Variants in MFF observed in about 807,000 individuals in gnomAD.
MFF encodes mitochondrial fission factor, also known as chromosome 2 open reading frame 33.
In MFF, 12 loss-of-function variants were observed where a neutral mutation model predicts 36.9. That is an observed-to-expected ratio of 0.33 (90% confidence interval 0.21 to 0.53). The LOEUF (loss-of-function observed/expected upper bound fraction) is 0.53, where lower values mean the gene tolerates loss of function less well. Ranked by LOEUF, MFF falls within the 20% of genes least tolerant of loss-of-function variation. The probability of loss-of-function intolerance (pLI) is 0.95; values close to 1 mark genes in which losing one functional copy is unlikely to be tolerated. For missense variants in MFF, 348 were observed against 366.6 expected, an observed-to-expected ratio of 0.95 and a Z score of 0.42; for synonymous variants, 99 against 126.2, an observed-to-expected ratio of 0.78 and a Z score of 1.44.
At chr2:227,349,955 A>G (rs1290768703) in intron 6 of MFF, among the ~76,000 whole-genome samples, 2 of 152,194 alleles carry the variant, frequency 1.3e-5, no homozygotes, top group East Asian at 3.8e-4. Flanking sequence ...CAGAAAAAGA[A>G]AAAAGCTTTC....
intron 4 of MFF, 145 bp from the exon 5 acceptor site, chr2:227,340,147 C>T: frequency 1.7e-6 from 1 of 587,044 alleles, no homozygotes; most frequent in South Asian, 2.2e-5. Context: ...CAGTAATACA[C>T]TGCCTGGCAG....
intron 1 of MFF, among the ~76,000 whole-genome samples, chr2:227,327,821 A>G (rs1386119025): frequency 6.6e-6 from 1 of 152,256 alleles, no homozygotes; most frequent in East Asian, 1.9e-4. Flanking sequence ...GCCAAAGGCT[A>G]TAATCTTTTT....
At chr2:227,336,306 G>GA (rs1305290678) in intron 4 of MFF, among the ~76,000 whole-genome samples, 2 of 152,188 alleles carry the variant, frequency 1.3e-5, no homozygotes, top group African/African-American at 4.8e-5. Flanking sequence ...GAAGTTGGAA[G>GA]AAAAAACAGA....
At position 227,330,723 on chromosome 2, in the gene MFF, C is replaced by T. The variant is rs776754008; in HGVS notation, c.58C>T (p.Arg20Ter). The change falls in exon 3 of 9, where the codon CGA (arginine) becomes TGA (stop). Residue 20 changes from arginine to a stop codon, truncating the protein, a stop_gained. Transcript: ENST00000304593. LOFTEE classifies it high-confidence loss of function. The part of the protein sequence containing the change: ...EMEYTEGISQ[R>*]MRVPEKLKVA... Reference sequence around the variant, plus strand: ...GGAATATACTGAAGGCATTAGTCAGCGAATGAGGGTCCCAGAAAAGTTAAA... The same window carrying T: ...GGAATATACTGAAGGCATTAGTCAGTGAATGAGGGTCCCAGAAAAGTTAAA... 2.7e-5 allele frequency: 43 copies of T among 1,614,094 alleles called. No homozygotes were observed. In the South Asian group the frequency reaches 3.6e-4, roughly 14 times the overall value.
chr2:227,356,216 C>T (rs1457924544), intron 8 of MFF, among the ~76,000 whole-genome samples: 2 of 152,138 alleles, frequency 1.3e-5, no homozygotes, highest in South Asian at 2.1e-4. Context: ...CCCACAGCCT[C>T]GAGTATCACA....
chr2:227,339,973 A>G (rs535833473), intron 4 of MFF, among the ~76,000 whole-genome samples: 1 of 152,374 alleles, frequency 6.6e-6, no homozygotes, highest in South Asian at 2.1e-4. Flanking sequence ...AAATAAGTAT[A>G]TACCATAAGG....
chr2:227,352,655 A>C (rs1312293117), intron 7 of MFF, 82 bp downstream of exon 7: 9 of 1,178,386 alleles, frequency 7.6e-6, no homozygotes, highest in East Asian at 2.3e-5. Flanking sequence ...TGTCGTAGCC[A>C]TGCCTGTGTT....
chr2:227,347,172 A>G (rs981452126), intron 5 of MFF, 54 bp from the exon 6 acceptor site: 26 of 1,550,352 alleles, frequency 1.7e-5, no homozygotes, highest in Middle Eastern at 1.7e-4. Context: ...CTGAAGTTTT[A>G]TAAAAATCTG....
intron 5 of MFF, chr2:227,346,674 A>G (rs1347745025): frequency 6.6e-6 from 1 of 152,232 alleles, no homozygotes; most frequent in Non-Finnish European, 1.5e-5. Context: ...CTTTGTTACC[A>G]TTTTCTAAGA....
chr2:227,355,419 G>T (rs2106472050), intron 7 of MFF: 1 of 245,550 alleles, frequency 4.1e-6, no homozygotes, highest in Non-Finnish European at 7.8e-6. Context: ...AATTTTCTAT[G>T]TGTTTCTTTA....
rs185012630 is a variant in MFF, at chr2:227,338,772, G to T, written c.352-1520G>T. On this transcript the variant is annotated intron_variant, in intron 4 of 8. Transcript: ENST00000304593. ...TTGAACCCGGGAGGCAGAGTTTGCA[G>T]TGAGTCAAGCCGAGATTGTGCCACT... Among the ~76,000 whole-genome samples the T allele has an allele frequency of 3.1e-3, 473 of 151,902 alleles. 2 individuals carry two copies. The highest frequency in any genetic ancestry group is 4.6e-3 in the Non-Finnish European group (314 of 67,972).
intron 5 of MFF, among the ~76,000 whole-genome samples, chr2:227,344,591 A>C (rs561047963): frequency 6.6e-6 from 1 of 152,308 alleles, no homozygotes; most frequent in Non-Finnish European, 1.5e-5. Flanking sequence ...ACAATTGCTA[A>C]ATTATTTATT....
chr2:227,351,448 A>G (rs559302169), intron 6 of MFF, among the ~76,000 whole-genome samples: 3 of 152,276 alleles, frequency 2.0e-5, no homozygotes, highest in Non-Finnish European at 4.4e-5. Flanking sequence ...TTACAGAAAA[A>G]ATTAGTGCAT....
At chr2:227,341,394 A>T (rs1456982443) in intron 5 of MFF, among the ~76,000 whole-genome samples, 1 of 152,018 alleles carries the variant, frequency 6.6e-6, no homozygotes, top group Non-Finnish European at 1.5e-5. Context: ...TGTTAGGTGA[A>T]AGGAGAACTA....
At chr2:227,345,666 A>G (rs6721060) in intron 5 of MFF, among the ~76,000 whole-genome samples, 150,971 of 152,344 alleles carry the variant, frequency 0.99, 74,811 homozygotes, top group East Asian at 1. Context: ...TTGTTTCACA[A>G]ATAGGATGTT....
chr2:227,352,310 A>G (rs1574992675), intron 6 of MFF: 1 of 500,790 alleles, frequency 2.0e-6, no homozygotes, highest in Non-Finnish European at 3.6e-6. Flanking sequence ...TCTTTGATCA[A>G]TAGTAATGTT....
chr2:227,347,197 C>A (rs2075760542), intron 5 of MFF, 29 bp from the exon 6 acceptor site: 1 of 1,592,478 alleles, frequency 6.3e-7, no homozygotes, highest in Admixed American at 1.7e-5. Context: ...GAGTGTTTTT[C>A]TCTTCATTTG....
At chr2:227,334,617 A>G (rs921651429) in intron 4 of MFF, among the ~76,000 whole-genome samples, 3 of 152,158 alleles carry the variant, frequency 2.0e-5, no homozygotes, top group Admixed American at 6.5e-5. Context: ...AGGTAGAGCA[A>G]TAGTGCTCTA....
chr2:227,353,166 C>A (rs934356323), intron 7 of MFF, among the ~76,000 whole-genome samples: 1 of 152,132 alleles, frequency 6.6e-6, no homozygotes, highest in Non-Finnish European at 1.5e-5. Flanking sequence ...GTAGGTTGAG[C>A]GTTCCTTTCT....
Sources: allele counts gnomAD v4.1 joint callset (sites outside exome capture counted in the v4.1 genomes callset), GRCh38; gene constraint gnomAD v4.1.1; transcripts MANE v1.5; gene names NCBI Gene and HGNC (gene_info 2026-07-23, HGNC 2026-07-21).